The following ZNF423 variants were observed in gnomAD, a reference collection of about 807,000 sequenced individuals.
ZNF423 encodes Ebf-associated zinc finger protein.
A neutral mutation model predicts 95.8 loss-of-function variants in ZNF423; 12 were observed. That is an observed-to-expected ratio of 0.13 (90% CI 0.08 to 0.20). The LOEUF (loss-of-function observed/expected upper bound fraction) is 0.20. Among genes scored for constraint, ZNF423 ranks in the 10% least tolerant of loss-of-function variants. ZNF423 has a pLI of 1.00. For missense variants in ZNF423, 1,316 were observed against 1,737.1 expected (o/e 0.76, Z 4.31); for synonymous variants, 749 against 711.9 (o/e 1.05, Z -0.83).
chr16:49,645,660 C>T lies in ZNF423; in HGVS notation c.302-6786G>A, dbSNP rs535565599. Among the ~76,000 whole-genome samples the T allele has an allele frequency of 1.7e-4, 26 of 152,272 alleles. No individual in the cohort carries two copies. In the East Asian group the frequency reaches 4.8e-3, roughly 28 times the overall value. On this transcript the variant is annotated intron_variant, in intron 3 of 7. Coordinates refer to ENST00000563137, the MANE Select transcript of ZNF423 (RefSeq NM_001379286.1). ...AGAGACAAGAGGCCCTGACAGATACCGTATGATATGGTTTGGCTGTGTCCT... is the reference window on the plus strand; with the variant it reads ...AGAGACAAGAGGCCCTGACAGATACTGTATGATATGGTTTGGCTGTGTCCT...
chr16:49,675,298 A>T (rs1341181399), intron 3 of ZNF423, among the ~76,000 whole-genome samples: 2 of 152,164 alleles, frequency 1.3e-5, no homozygotes, highest in East Asian at 1.9e-4. Context: ...TGCATGGCTC[A>T]TGGGTCTGAA....
chr16:49,662,570 C>A (rs2030297264), intron 3 of ZNF423, among the ~76,000 whole-genome samples: 1 of 152,206 alleles, frequency 6.6e-6, no homozygotes, highest in African/African-American at 2.4e-5. Context: ...AAGTCCTTGC[C>A]CTCAGTGAGC....
intron 5 of ZNF423, among the ~76,000 whole-genome samples, chr16:49,566,762 C>T (rs556583191): frequency 6.6e-6 from 1 of 152,220 alleles, no homozygotes; most frequent in East Asian, 1.9e-4. Flanking sequence ...AATGGCTTGG[C>T]GGGCAGCGCG....
At chr16:49,493,756 T>C (rs1427616738) in intron 7 of ZNF423, among the ~76,000 whole-genome samples, 3 of 152,030 alleles carry the variant, frequency 2.0e-5, no homozygotes, top group Non-Finnish European at 4.4e-5. Context: ...TGTGGATATG[T>C]GGAAAGGGGA....
intron 3 of ZNF423, among the ~76,000 whole-genome samples, chr16:49,667,784 G>A (rs984885031): frequency 6.6e-6 from 1 of 152,246 alleles, no homozygotes; most frequent in Non-Finnish European, 1.5e-5. Flanking sequence ...TACTTGGGAA[G>A]CTAAGGCAGG....
At chr16:49,520,938 T>C (rs1968371038) in intron 7 of ZNF423, among the ~76,000 whole-genome samples, 1 of 152,166 alleles carries the variant, frequency 6.6e-6, no homozygotes, top group African/African-American at 2.4e-5. Context: ...TTGCAGAAAA[T>C]AGTGACTCGT....
At chr16:49,788,928 AC>A (rs894692431) in intron 2 of ZNF423, among the ~76,000 whole-genome samples, 6 of 151,960 alleles carry the variant, frequency 3.9e-5, no homozygotes, top group Non-Finnish European at 8.8e-5. Flanking sequence ...TTACTCATCC[AC>A]CTCTTTTTAC....
chr16:49,525,767 G>A (rs1464919735), intron 5 of ZNF423, among the ~76,000 whole-genome samples: 3 of 152,184 alleles, frequency 2.0e-5, no homozygotes, highest in Non-Finnish European at 4.4e-5. Flanking sequence ...AGGTGTGCAG[G>A]CCATGGTCAA....
chr16:49,503,540 C>A (rs1010191785), intron 7 of ZNF423, among the ~76,000 whole-genome samples: 17 of 152,168 alleles, frequency 1.1e-4, no homozygotes, highest in African/African-American at 4.1e-4. Flanking sequence ...CCCCACACCC[C>A]AGTTTTCCTG....
chr16:49,848,057 T>A (rs1175908102), intron 1 of ZNF423, among the ~76,000 whole-genome samples: 3 of 152,030 alleles, frequency 2.0e-5, no homozygotes, highest in Non-Finnish European at 4.4e-5. Context: ...TGAACTACGA[T>A]CACGTCACTG....
intron 2 of ZNF423, among the ~76,000 whole-genome samples, chr16:49,748,142 A>G (rs903413635): frequency 5.9e-5 from 9 of 152,242 alleles, no homozygotes; most frequent in African/African-American, 2.2e-4. Context: ...CTATCTGTTC[A>G]CTGTGGAATC....
intron 1 of ZNF423, among the ~76,000 whole-genome samples, chr16:49,840,026 C>T (rs1236731645): frequency 6.6e-6 from 1 of 152,214 alleles, no homozygotes; most frequent in East Asian, 1.9e-4. Context: ...GGCCACAGCA[C>T]CTTGAATACT....
At chr16:49,817,793 T>A (rs1212687159) in intron 1 of ZNF423, among the ~76,000 whole-genome samples, 1 of 152,196 alleles carries the variant, frequency 6.6e-6, no homozygotes, top group Admixed American at 6.5e-5. Flanking sequence ...TCTATCCATC[T>A]TTTGACCCTA....
chr16:49,531,274 C>T (rs986437949), intron 5 of ZNF423, among the ~76,000 whole-genome samples: 12 of 151,438 alleles, frequency 7.9e-5, no homozygotes, highest in Admixed American at 4.6e-4. Flanking sequence ...GGACAGCCTG[C>T]GGCCTGCGCA....
intron 1 of ZNF423, among the ~76,000 whole-genome samples, chr16:49,796,356 G>A (rs1163786100): frequency 6.6e-6 from 1 of 152,146 alleles, no homozygotes; most frequent in African/African-American, 2.4e-5. Flanking sequence ...CCTCCTCCAG[G>A]TCACTTGCTC....
At chr16:49,616,621 T>C (rs140504266) in intron 5 of ZNF423, among the ~76,000 whole-genome samples, 73 of 152,100 alleles carry the variant, frequency 4.8e-4, no homozygotes, top group Middle Eastern at 3.4e-3. Flanking sequence ...TATGTACCCA[T>C]AAAAATTAAA....
chr16:49,648,939 T>C (rs1567531521), intron 3 of ZNF423, among the ~76,000 whole-genome samples: 2 of 152,110 alleles, frequency 1.3e-5, no homozygotes, highest in South Asian at 4.2e-4. Context: ...CCAGGAAATA[T>C]CTGTAGAGGA....
intron 2 of ZNF423, among the ~76,000 whole-genome samples, chr16:49,783,747 AG>A (rs1398966838): frequency 2.6e-5 from 4 of 152,066 alleles, no homozygotes; most frequent in Non-Finnish European, 4.4e-5. Flanking sequence ...TGACGCTTGC[AG>A]ATCACAAGGT....
intron 3 of ZNF423, among the ~76,000 whole-genome samples, chr16:49,730,284 A>G (rs975703325): frequency 5.9e-5 from 9 of 152,198 alleles, no homozygotes; most frequent in African/African-American, 1.9e-4. Context: ...CCTCCTACTC[A>G]GAGAAGTGTG....
Sources: allele counts gnomAD v4.1 joint callset (sites outside exome capture counted in the v4.1 genomes callset), GRCh38; gene constraint gnomAD v4.1.1; transcripts MANE v1.5; gene names NCBI Gene and HGNC (gene_info 2026-07-23, HGNC 2026-07-21).